SKAP2: variants seen among roughly 807,000 people sequenced by gnomAD.
SKAP2 encodes src kinase-associated phosphoprotein 2.
A neutral mutation model predicts 54.9 loss-of-function variants in SKAP2; 28 were observed. The ratio of observed to expected loss-of-function variants is 0.51; its 90% CI spans 0.38 to 0.70. The LOEUF (loss-of-function observed/expected upper bound fraction) is 0.70. Among genes scored for constraint, SKAP2 ranks in the 30% least tolerant of loss-of-function variants. The pLI, the probability that SKAP2 is intolerant of heterozygous loss-of-function variation, is 0.00. For synonymous variants in SKAP2, 137 were observed against 134.3 expected (o/e 1.02, Z -0.14); for missense variants, 356 against 424.1 (o/e 0.84, Z 1.41).
chr7:26,702,164 T>A (rs984154902), intron 9 of SKAP2, among the ~76,000 whole-genome samples: 1 of 152,218 alleles, frequency 6.6e-6, no homozygotes, highest in Non-Finnish European at 1.5e-5. Context: ...TTTTGTTTTT[T>A]GTTTTTTTGA....
intron 4 of SKAP2, among the ~76,000 whole-genome samples, chr7:26,766,724 A>ATCATGTGGT (rs1384959338): frequency 2.6e-5 from 4 of 152,166 alleles, no homozygotes; most frequent in African/African-American, 9.7e-5. Flanking sequence ...TATTGAGATA[A>ATCATGTGGT]TCATGTGGTT....
intron 4 of SKAP2, among the ~76,000 whole-genome samples, chr7:26,793,225 T>A (rs1033274105): frequency 6.6e-6 from 1 of 152,190 alleles, no homozygotes; most frequent in African/African-American, 2.4e-5. Context: ...TTGCCAACTA[T>A]CCTTTACCAA....
At chr7:26,704,045 A>G (rs1331077491) in intron 9 of SKAP2, among the ~76,000 whole-genome samples, 2 of 152,236 alleles carry the variant, frequency 1.3e-5, no homozygotes, top group Non-Finnish European at 1.5e-5. Context: ...CTTATGAGAA[A>G]GTTAATATCA....
chr7:26,854,945 T>C (rs1335923556), intron 1 of SKAP2, 55 bp from the exon 2 acceptor site: 1 of 1,242,276 alleles, frequency 8.0e-7, no homozygotes, highest in Non-Finnish European at 1.1e-6. Flanking sequence ...AAAGGTTTTG[T>C]GAAGATAAAT....
At chr7:26,837,478 C>T (rs1209588719) in intron 4 of SKAP2, among the ~76,000 whole-genome samples, 1 of 152,182 alleles carries the variant, frequency 6.6e-6, no homozygotes, top group African/African-American at 2.4e-5. Flanking sequence ...AGGCACAACA[C>T]ACGGTAAAAG....
At chr7:26,840,109 T>C (rs1443324857) in intron 4 of SKAP2, among the ~76,000 whole-genome samples, 1 of 152,106 alleles carries the variant, frequency 6.6e-6, no homozygotes, top group Non-Finnish European at 1.5e-5. Flanking sequence ...TGTCTCGCAA[T>C]GCCCACAGCC....
At chr7:26,786,024 T>G (rs1783536977) in intron 4 of SKAP2, among the ~76,000 whole-genome samples, 1 of 152,020 alleles carries the variant, frequency 6.6e-6, no homozygotes, top group Admixed American at 6.6e-5. Flanking sequence ...GTTGGGCACC[T>G]CCCCTTCACC....
At chr7:26,856,264 T>A (rs1785160009) in intron 1 of SKAP2, among the ~76,000 whole-genome samples, 1 of 152,156 alleles carries the variant, frequency 6.6e-6, no homozygotes, top group African/African-American at 2.4e-5. Context: ...CAAAATGAAA[T>A]GAAAGCAAAT....
At chr7:26,731,010 A>G (rs891980567) in intron 6 of SKAP2, among the ~76,000 whole-genome samples, 1 of 152,218 alleles carries the variant, frequency 6.6e-6, no homozygotes, top group Non-Finnish European at 1.5e-5. Context: ...ATGGGAAAAC[A>G]AACTTTAACC....
rs142083167 is a variant in SKAP2, at chr7:26,831,761, G to A, written c.307+12269C>T. ...GCAATGAAGTATTTGAACCCAGGCA[G>A]TATGTTCTTAACTACTATGTTTCAT... On this transcript the variant is annotated intron_variant, in intron 4 of 12. Coordinates refer to ENST00000345317, the MANE Select transcript of SKAP2 (RefSeq NM_003930.5). Among the ~76,000 whole-genome samples, 328 of 152,204 alleles carry A rather than the reference G, an allele frequency of 2.2e-3. 1 individual carries two copies. Among genetic ancestry groups the A allele is most frequent in the African/African-American group, 7.6e-3 (314 of 41,546 alleles).
intron 4 of SKAP2, among the ~76,000 whole-genome samples, chr7:26,812,432 T>C (rs1439544303): frequency 6.6e-6 from 1 of 152,030 alleles, no homozygotes; most frequent in Non-Finnish European, 1.5e-5. Flanking sequence ...CATCTTAAAT[T>C]ACGGAAATTC....
chr7:26,702,031 T>C (rs1004254136), intron 9 of SKAP2, among the ~76,000 whole-genome samples: 43 of 152,232 alleles, frequency 2.8e-4, no homozygotes, highest in African/African-American at 9.6e-4. Flanking sequence ...TAAGATGATA[T>C]CTGCTTTTGT....
intron 11 of SKAP2, among the ~76,000 whole-genome samples, chr7:26,678,586 G>A (rs911701011): frequency 4.0e-5 from 6 of 151,790 alleles, no homozygotes; most frequent in African/African-American, 1.2e-4. Context: ...GACTACAGGT[G>A]CGCACCACCA....
intron 4 of SKAP2, among the ~76,000 whole-genome samples, chr7:26,781,153 C>T (rs1237263021): frequency 6.6e-6 from 1 of 152,030 alleles, no homozygotes; most frequent in East Asian, 1.9e-4. Flanking sequence ...TAAAAGATGA[C>T]AAAGATGGAA....
chr7:26,781,337 T>C (rs1485682399), intron 4 of SKAP2, among the ~76,000 whole-genome samples: 1 of 152,096 alleles, frequency 6.6e-6, no homozygotes, highest in Admixed American at 6.6e-5. Flanking sequence ...AAATGAAGTC[T>C]TTCTGGAAAA....
chr7:26,655,110 C>T, the SKAP2 span, among the ~76,000 whole-genome samples: 11 of 152,304 alleles, frequency 7.2e-5, no homozygotes, highest in Admixed American at 6.5e-4. Context: ...AAAGCAGTGA[C>T]TTACAGGTAA....
intron 9 of SKAP2, among the ~76,000 whole-genome samples, chr7:26,700,664 T>A (rs1315378420): frequency 1.3e-5 from 2 of 152,222 alleles, no homozygotes; most frequent in Admixed American, 1.3e-4. Context: ...AGAGTCCGCC[T>A]AGCCTAGTCT....
At chr7:26,685,412 G>C (rs1212663998) in intron 10 of SKAP2, among the ~76,000 whole-genome samples, 1 of 152,136 alleles carries the variant, frequency 6.6e-6, no homozygotes, top group East Asian at 1.9e-4. Context: ...GGTATAAAGA[G>C]TAATTGCAGC....
chr7:26,740,944 C>T (rs917233010), intron 4 of SKAP2, among the ~76,000 whole-genome samples: 4 of 151,532 alleles, frequency 2.6e-5, no homozygotes, highest in East Asian at 2.0e-4. Flanking sequence ...GCCAAGATCA[C>T]GCCATTGCAA....
Sources: gnomAD v4.1 joint callset for allele counts (sites outside exome capture counted in the v4.1 genomes callset) on GRCh38, gnomAD v4.1.1 for gene constraint, MANE v1.5 for transcripts, NCBI Gene and HGNC (gene_info 2026-07-23, HGNC 2026-07-21) for gene names.